Variants in FTO observed in about 807,000 individuals in gnomAD.
FTO encodes FTO alpha-ketoglutarate dependent dioxygenase, also known as alpha-ketoglutarate-dependent dioxygenase FTO.
A neutral mutation model predicts 63.9 loss-of-function variants in FTO; 47 were observed. The observed-to-expected ratio is 0.74, with a 90% CI of 0.58 to 0.94. The LOEUF is 0.94. FTO is among the 40% of genes least tolerant of loss of function. The pLI, the probability that FTO is intolerant of heterozygous loss-of-function variation, is 0.00. For missense variants in FTO, 562 were observed against 618.1 expected (o/e 0.91, Z 0.96); for synonymous variants, 207 against 224.4 (o/e 0.92, Z 0.69).
chr16:53,891,846 A>T (rs2151911165), intron 7 of FTO, among the ~76,000 whole-genome samples: 1 of 152,332 alleles, frequency 6.6e-6, no homozygotes, highest in East Asian at 1.9e-4. Context: ...TGTATAAAAA[A>T]TACTAAAAGG....
At chr16:53,806,318 G>A (rs1005843017) in intron 1 of FTO, among the ~76,000 whole-genome samples, 14 of 152,130 alleles carry the variant, frequency 9.2e-5, no homozygotes, top group African/African-American at 1.7e-4. Flanking sequence ...TAGGTAAGAC[G>A]TTTACATAGT....
At chr16:53,918,834 A>T (rs1360710970) in intron 7 of FTO, among the ~76,000 whole-genome samples, 1 of 152,206 alleles carries the variant, frequency 6.6e-6, no homozygotes, top group Non-Finnish European at 1.5e-5. Context: ...TGTTCTGTAT[A>T]AACCGTGCTG....
At chr16:53,896,166 A>G (rs2081275188) in intron 7 of FTO, among the ~76,000 whole-genome samples, 1 of 152,196 alleles carries the variant, frequency 6.6e-6, no homozygotes, top group Non-Finnish European at 1.5e-5. Flanking sequence ...GGCTGCTAGA[A>G]TTCATTTTGG....
chr16:54,057,832 G>A (rs909663501), intron 8 of FTO, among the ~76,000 whole-genome samples: 2 of 152,084 alleles, frequency 1.3e-5, no homozygotes, highest in Non-Finnish European at 1.5e-5. Context: ...GCCCAGCTGC[G>A]TCCACCAACA....
At chr16:53,870,144 G>C (rs1166522082) in intron 4 of FTO, among the ~76,000 whole-genome samples, 1 of 152,078 alleles carries the variant, frequency 6.6e-6, no homozygotes, top group Non-Finnish European at 1.5e-5. Flanking sequence ...GGAGTTCTAG[G>C]TGGCATTGAA....
At chr16:53,958,450 A>G (rs969057546) in intron 8 of FTO, among the ~76,000 whole-genome samples, 19 of 152,202 alleles carry the variant, frequency 1.2e-4, no homozygotes, top group African/African-American at 4.3e-4. Flanking sequence ...TTCAGGCTGC[A>G]GTCTGTTTCT....
intron 8 of FTO, among the ~76,000 whole-genome samples, chr16:53,964,888 A>C (rs2143667127): frequency 6.6e-6 from 1 of 152,350 alleles, no homozygotes; most frequent in Middle Eastern, 3.4e-3. Context: ...ATGAGACATT[A>C]GATTATTATT....
At chr16:53,777,871 C>G (rs1311332452) in intron 1 of FTO, among the ~76,000 whole-genome samples, 1 of 152,138 alleles carries the variant, frequency 6.6e-6, no homozygotes, top group Non-Finnish European at 1.5e-5. Context: ...TCCGATTAAC[C>G]AGAAAAATGT....
At chr16:53,810,804 T>G (rs1472047842) in intron 2 of FTO, among the ~76,000 whole-genome samples, 1 of 152,186 alleles carries the variant, frequency 6.6e-6, no homozygotes, top group Non-Finnish European at 1.5e-5. Context: ...AAATCCAACT[T>G]TACAAAAGAT....
chr16:53,993,626 C>T lies in FTO; in HGVS notation c.1364+59517C>T, dbSNP rs139554753. 1.6e-3 allele frequency: 249 copies of T among 152,290 alleles called. 1 individual carries two copies. The highest frequency in any genetic ancestry group is 5.8e-3 in the African/African-American group (241 of 41,570). 9.4% of individuals were successfully genotyped at this position (152,290 alleles called of 1,614,324 possible). A position where few individuals can be genotyped will look rare whatever the true frequency, so the allele number is the denominator to read the frequency against. On this transcript the variant is annotated intron_variant, in intron 8 of 8. Coordinates refer to ENST00000471389, the MANE Select transcript of FTO (RefSeq NM_001080432.3). ...ATATTTTTAATTTATTTCTTTGTTT[C>T]TCTCAAGGCAGTAGGGGTTCCATCG...
At position 54,116,286 on chromosome 16, in the gene FTO, G is replaced by A. The variant is rs773619621; in HGVS notation, c.*4371G>A. 12 of 151,850 alleles carry A rather than the reference G, an allele frequency of 7.9e-5. No homozygotes were observed. Among genetic ancestry groups the A allele is most frequent in the Admixed American group, 5.2e-4 (8 of 15,258 alleles). The allele number at this position is 151,850 out of a possible 1,614,324, so 9.4% of individuals were successfully genotyped here. ...CCACTGGGCAAATTGCATACATTTGGATCCATGCCACGCTAAAAACTGTTT... is the reference window on the plus strand; with the variant it reads ...CCACTGGGCAAATTGCATACATTTGAATCCATGCCACGCTAAAAACTGTTT... On this transcript the variant is annotated 3_prime_UTR_variant, in exon 9 of 9. Transcript: ENST00000471389.
At chr16:53,883,517 G>A (rs2080900392) in intron 6 of FTO, among the ~76,000 whole-genome samples, 1 of 150,988 alleles carries the variant, frequency 6.6e-6, no homozygotes, top group South Asian at 2.1e-4. Context: ...AGCTACTTGG[G>A]AGGCTGAGGC....
intron 2 of FTO, among the ~76,000 whole-genome samples, chr16:53,814,078 A>G (rs941694771): frequency 6.6e-6 from 1 of 152,196 alleles, no homozygotes; most frequent in Non-Finnish European, 1.5e-5. Flanking sequence ...CTGAAGGCCC[A>G]TGCTCTTTCT....
chr16:54,089,658 A>C (rs1418769310), intron 8 of FTO, among the ~76,000 whole-genome samples: 1 of 152,252 alleles, frequency 6.6e-6, no homozygotes, highest in East Asian at 1.9e-4. Flanking sequence ...TAATGTCCAG[A>C]GTATGTAAAG....
intron 8 of FTO, among the ~76,000 whole-genome samples, chr16:53,969,064 T>C (rs1599112832): frequency 6.6e-6 from 1 of 152,336 alleles, no homozygotes; most frequent in East Asian, 1.9e-4. Context: ...ACTTTCTGGT[T>C]TACTTTGTAA....
chr16:53,708,780 A>G (rs964432330), intron 1 of FTO, among the ~76,000 whole-genome samples: 9 of 152,182 alleles, frequency 5.9e-5, no homozygotes, highest in African/African-American at 2.2e-4. Context: ...TAATAATGTT[A>G]TGCATCTTCT....
At chr16:53,790,164 A>G (rs1004242409) in intron 1 of FTO, among the ~76,000 whole-genome samples, 4 of 151,570 alleles carry the variant, frequency 2.6e-5, no homozygotes, top group Non-Finnish European at 5.9e-5. Flanking sequence ...TTTTTTAACC[A>G]TTTAACAAGT....
intron 1 of FTO, among the ~76,000 whole-genome samples, chr16:53,729,655 C>T (rs1341809847): frequency 6.6e-6 from 1 of 151,828 alleles, no homozygotes; most frequent in East Asian, 1.9e-4. Flanking sequence ...GGTAACCACG[C>T]CCCCAACCCC....
chr16:53,816,788 A>C (rs893421133), intron 2 of FTO, among the ~76,000 whole-genome samples: 2 of 151,972 alleles, frequency 1.3e-5, no homozygotes, highest in Non-Finnish European at 2.9e-5. Flanking sequence ...TCATCATCTA[A>C]AATACCGTAT....
Sources: gnomAD v4.1 joint callset for allele counts (sites outside exome capture counted in the v4.1 genomes callset) on GRCh38, gnomAD v4.1.1 for gene constraint, MANE v1.5 for transcripts, NCBI Gene and HGNC (gene_info 2026-07-23, HGNC 2026-07-21) for gene names.